Variants in EXOC3L2 observed in about 807,000 individuals in gnomAD.
The protein encoded by EXOC3L2 is exocyst complex component 3-like protein 2.
In EXOC3L2, 17 loss-of-function variants were observed where a neutral mutation model predicts 44.4. That is an observed-to-expected ratio of 0.38 (90% CI 0.26 to 0.57). The LOEUF (loss-of-function observed/expected upper bound fraction) is 0.57. Among genes scored for constraint, EXOC3L2 ranks in the 20% least tolerant of loss-of-function variants. The pLI is 0.65. For missense variants in EXOC3L2, 541 were observed against 588.4 expected (o/e 0.92, Z 0.83); for synonymous variants, 256 against 253.7 (o/e 1.01, Z -0.09).
In EXOC3L2 at chr19:45,213,196, G is replaced by A. The variant is rs1969795955; in HGVS notation, c.2282C>T (p.Pro761Leu). The change falls in exon 12 of 12, where the codon CCA becomes CTA. Residue 761 changes from proline (P) to leucine (L), a missense_variant. By Grantham distance (98) the Pro-to-Leu change is moderately conservative (BLOSUM62 -3). Coordinates refer to ENST00000413988, the MANE Select transcript of EXOC3L2 (RefSeq NM_001382422.1). The stretch of plus-strand genomic sequence containing the variant: ...GAGAGGGAGGCTGAGACAGAAAGAT[G>A]GGCGGGGCACAGGGATGTCTGCAAA... The part of the protein sequence containing the change: ...AFFADIPVPR[P>L]SFCLSLPLFL... 2 of 1,608,332 alleles carry A rather than the reference G, an allele frequency of 1.2e-6. No individual in the cohort carries two copies. The highest frequency in any genetic ancestry group is 2.7e-5 in the African/African-American group (2 of 74,722).
At chr19:45,236,768 G>T (rs138871575) in intron 2 of EXOC3L2, among the ~76,000 whole-genome samples, 3,325 of 151,958 alleles carry the variant, frequency 0.022, 54 homozygotes, top group Non-Finnish European at 0.035. Flanking sequence ...AGGCTGAGGC[G>T]GGTGGATCAC....
chr19:45,226,653 C>G (rs1282739123), intron 7 of EXOC3L2, among the ~76,000 whole-genome samples: 1 of 151,288 alleles, frequency 6.6e-6, no homozygotes, highest in African/African-American at 2.4e-5. Context: ...CCAGGCTGGT[C>G]TTGAACTCCT....
chr19:45,217,873 T>A lies in EXOC3L2; in HGVS notation c.1843-190A>T, dbSNP rs914872632. Among the ~76,000 whole-genome samples, 18 of 151,754 alleles carry A rather than the reference T, an allele frequency of 1.2e-4. No individual in the cohort carries two copies. The East Asian group carries it at 3.3e-3, about 28-fold the overall frequency. ...AGGATGCCTTCCCTGGCCCCCTAAT[T>A]AGCCCGCGGACAGTCTCTGCCGGTC... is the stretch of plus-strand genomic sequence containing the variant. On this transcript the variant is annotated intron_variant, in intron 9 of 11. Coordinates refer to ENST00000413988, the MANE Select transcript of EXOC3L2 (RefSeq NM_001382422.1).
In EXOC3L2 at chr19:45,239,008, T is replaced by A; in HGVS notation, c.38A>T (p.Lys13Met). ...ILKNLGVSDP[K>M]VPRAGTLPLR... ...GGGCAGGGTCCCCGCCCGGGGCACC[T>A]TAGGGTCTGACACTCCCAGATTCTT... is the stretch of plus-strand genomic sequence containing the variant. The change falls in exon 2 of 12, where the codon AAG becomes ATG. Residue 13 changes from lysine to methionine, a missense_variant. By Grantham distance (95) the Lys-to-Met change is moderately conservative. Transcript: ENST00000413988. The A allele has an allele frequency of 2.5e-6, 1 of 399,110 alleles. No individual in the cohort carries two copies. Among genetic ancestry groups the A allele is most frequent in the Non-Finnish European group, 4.4e-6 (1 of 226,122 alleles). 24.7% of individuals were successfully genotyped at this position (399,110 alleles called of 1,614,324 possible).
intron 1 of EXOC3L2, 117 bp downstream of exon 1, chr19:45,245,224 C>G (rs1970160349): frequency 2.0e-5 from 3 of 152,318 alleles, no homozygotes; most frequent in Admixed American, 2.0e-4. Context: ...CCCCCAGCCT[C>G]TGCTGGGTTC....
At chr19:45,240,588 A>T (rs1970123174) in intron 1 of EXOC3L2, among the ~76,000 whole-genome samples, 1 of 152,126 alleles carries the variant, frequency 6.6e-6, no homozygotes, top group Admixed American at 6.5e-5. Flanking sequence ...AGTGCCACTT[A>T]ATTGTATGCT....
intron 8 of EXOC3L2, among the ~76,000 whole-genome samples, chr19:45,221,335 T>C (rs1370156544): frequency 6.6e-6 from 1 of 151,068 alleles, no homozygotes; most frequent in Non-Finnish European, 1.5e-5. Context: ...AGAGCCACCA[T>C]GTCTAATGTG....
chr19:45,236,282 A>G lies in EXOC3L2; in HGVS notation c.524-1456T>C, dbSNP rs546568073. 2.6e-5 allele frequency among the ~76,000 whole-genome samples: 4 copies of G among 152,020 alleles called. No homozygotes were observed. The East Asian group carries it at 7.8e-4, about 30-fold the overall frequency. On this transcript the variant is annotated intron_variant, in intron 2 of 11. Coordinates refer to ENST00000413988, the MANE Select transcript of EXOC3L2 (RefSeq NM_001382422.1). ...GGAGTTCAAGACCAGACTGACCAAT[A>G]TGGTGAAACCTGGTCTCTACTAAAA...
intron 3 of EXOC3L2, among the ~76,000 whole-genome samples, chr19:45,232,134 A>G (rs1970038379): frequency 6.6e-6 from 1 of 152,086 alleles, no homozygotes; most frequent in Non-Finnish European, 1.5e-5. Flanking sequence ...TCTGACATGC[A>G]AGGCTTCACC....
chr19:45,217,727 C>T, intron 9 of EXOC3L2, 44 bp from the exon 10 acceptor site: 1 of 1,384,614 alleles, frequency 7.2e-7, no homozygotes, highest in South Asian at 1.6e-5. Context: ...AGCCATGCCC[C>T]ACGGACTCCC....
chr19:45,220,557 G>C (rs1969885873), intron 8 of EXOC3L2, among the ~76,000 whole-genome samples: 1 of 152,150 alleles, frequency 6.6e-6, no homozygotes, highest in African/African-American at 2.4e-5. Context: ...TGACAGAAGA[G>C]CATTAAACCA....
At position 45,216,127 on chromosome 19, in the gene EXOC3L2, G is replaced by T. The variant is rs775521544; in HGVS notation, c.2066C>A (p.Thr689Lys). 61 of 1,613,840 alleles carry T rather than the reference G, an allele frequency of 3.8e-5. No homozygotes were observed. In the South Asian group the frequency reaches 6.1e-4, roughly 16 times the overall value. The change falls in exon 11 of 12, where the codon ACG (threonine) becomes AAG (lysine). Residue 689 changes from threonine to lysine, a missense_variant. Coordinates refer to ENST00000413988, the MANE Select transcript of EXOC3L2 (RefSeq NM_001382422.1). The part of the protein sequence containing the change: ...HLAEVMQLED[T>K]PSIQVEVGVL... ...TCCCACCTCCACCTGGATGCTGGGC[G>T]TGTCTTCCAGCTGCATGACTTCAGC...
At chr19:45,219,393 CAAAAAAAA>C (rs950797638) in intron 8 of EXOC3L2, among the ~76,000 whole-genome samples, 5 of 51,546 alleles carry the variant, frequency 9.7e-5, no homozygotes, top group Non-Finnish European at 7.7e-5. Context: ...GGCCCCGTCT[CAAAAAAAA>C]AAAAAAAAAA....
At chr19:45,223,696 G>T (rs1969923336) in intron 8 of EXOC3L2, among the ~76,000 whole-genome samples, 1 of 150,006 alleles carries the variant, frequency 6.7e-6, no homozygotes, top group Non-Finnish European at 1.5e-5. Flanking sequence ...GGTGACATTT[G>T]AGTCAAGACT....
At chr19:45,227,596 C>T (rs563190407) in intron 7 of EXOC3L2, 66 bp downstream of exon 7, 21 of 1,395,882 alleles carry the variant, frequency 1.5e-5, no homozygotes, top group East Asian at 7.1e-5. Flanking sequence ...ACCCAGGATC[C>T]GGGCATCCCA....
intron 11 of EXOC3L2, among the ~76,000 whole-genome samples, 178 bp downstream of exon 11, chr19:45,215,895 G>T (rs902755359): frequency 6.6e-6 from 1 of 152,288 alleles, no homozygotes; most frequent in East Asian, 1.9e-4. Context: ...AGGCAGCAGC[G>T]GCGGCAGGAG....
chr19:45,223,078 C>A (rs1299316231), intron 8 of EXOC3L2, among the ~76,000 whole-genome samples: 1 of 152,052 alleles, frequency 6.6e-6, no homozygotes, highest in South Asian at 2.1e-4. Context: ...CATAGTGAGA[C>A]CCTGTCTCTA....
At chr19:45,218,490 G>C (rs1003083234) in intron 8 of EXOC3L2, among the ~76,000 whole-genome samples, 171 bp from the exon 9 acceptor site, 1 of 152,122 alleles carries the variant, frequency 6.6e-6, no homozygotes, top group Non-Finnish European at 1.5e-5. Flanking sequence ...CAGTCCAGAA[G>C]GGGAGAGAGA....
intron 8 of EXOC3L2, among the ~76,000 whole-genome samples, chr19:45,220,128 A>C (rs1030860207): frequency 6.6e-6 from 1 of 152,088 alleles, no homozygotes; most frequent in Non-Finnish European, 1.5e-5. Context: ...AGCTGAGATC[A>C]AGCCATTGCA....
Sources: allele counts gnomAD v4.1 joint callset (sites outside exome capture counted in the v4.1 genomes callset), GRCh38; gene constraint gnomAD v4.1.1; transcripts MANE v1.5; gene names NCBI Gene and HGNC (gene_info 2026-07-23, HGNC 2026-07-21).